CNTN6: variants seen among roughly 807,000 people sequenced by gnomAD.
CNTN6 encodes the protein contactin 6.
A neutral mutation model predicts 122.8 loss-of-function variants in CNTN6; 137 were observed. That is an observed-to-expected ratio of 1.12 (90% CI 0.97 to 1.29). The LOEUF is 1.29. Ranked by LOEUF, CNTN6 falls within the 50% of genes most tolerant of loss-of-function variation. The pLI, the probability that CNTN6 is intolerant of heterozygous loss-of-function variation, is 0.00. For synonymous variants in CNTN6, 570 were observed against 426.0 expected, an observed-to-expected ratio of 1.34 and a Z score of -4.16; for missense variants, 1,634 against 1,223.4, an observed-to-expected ratio of 1.34 and a Z score of -5.01.
intron 2 of CNTN6, among the ~76,000 whole-genome samples, chr3:1,168,476 C>T (rs915371151): frequency 6.0e-5 from 9 of 150,580 alleles, no homozygotes; most frequent in Non-Finnish European, 1.2e-4. Context: ...GACACTTGCC[C>T]GTCACTGCCC....
At chr3:1,251,887 G>T (rs557951663) in intron 4 of CNTN6, among the ~76,000 whole-genome samples, 1 of 152,186 alleles carries the variant, frequency 6.6e-6, no homozygotes, top group East Asian at 1.9e-4. Flanking sequence ...ATTCAGGTCT[G>T]ACTCATTGCC....
intron 2 of CNTN6, among the ~76,000 whole-genome samples, chr3:1,213,693 T>C (rs1426219543): frequency 6.6e-6 from 1 of 151,914 alleles, no homozygotes; most frequent in East Asian, 1.9e-4. Context: ...AGAATACAAA[T>C]ATTTTATAAA....
At chr3:1,111,029 A>G (rs1046051799) in intron 1 of CNTN6, among the ~76,000 whole-genome samples, 3 of 152,176 alleles carry the variant, frequency 2.0e-5, no homozygotes, top group Non-Finnish European at 2.9e-5. Context: ...TATGTGTAAA[A>G]TTGAGAAATA....
At chr3:1,169,502 T>C (rs1416304506) in intron 2 of CNTN6, among the ~76,000 whole-genome samples, 2 of 152,244 alleles carry the variant, frequency 1.3e-5, no homozygotes, top group African/African-American at 4.8e-5. Flanking sequence ...GAATTATTCA[T>C]CTTTCTTCAG....
intron 11 of CNTN6, among the ~76,000 whole-genome samples, chr3:1,333,829 A>G (rs901470202): frequency 1.2e-4 from 18 of 152,272 alleles, no homozygotes; most frequent in African/African-American, 4.1e-4. Flanking sequence ...ATAAGTGAAG[A>G]AGCTTAGACT....
chr3:1,118,871 AC>A (rs2125050953), intron 1 of CNTN6, among the ~76,000 whole-genome samples: 2 of 152,184 alleles, frequency 1.3e-5, no homozygotes, highest in East Asian at 3.9e-4. Flanking sequence ...AAAAAAAAAA[AC>A]AAACAAAACA....
At chr3:1,291,305 A>G (rs919806449) in intron 5 of CNTN6, among the ~76,000 whole-genome samples, 2 of 152,170 alleles carry the variant, frequency 1.3e-5, no homozygotes, top group African/African-American at 4.8e-5. Flanking sequence ...ATATCTCACT[A>G]TTAAAGAAGG....
Position 1,169,723 on chromosome 3 carries a change from T to C in CNTN6, c.55+21660T>C, listed in dbSNP as rs1362228933. Among the ~76,000 whole-genome samples, 3 of 152,206 alleles carry C rather than the reference T, an allele frequency of 2.0e-5. No individual in the cohort carries two copies. The East Asian group carries it at 5.8e-4, about 29-fold the overall frequency. On this transcript the variant is annotated intron_variant, in intron 2 of 22. Transcript: ENST00000446702. ...TAAACATTTGTGCCAATTATGTAGA[T>C]AGCCTGCAAAGCTGAGACACTTCTC... is the stretch of plus-strand genomic sequence containing the variant.
At chr3:1,401,332 G>T in intron 20 of CNTN6, 101 bp from the exon 21 acceptor site, 1 of 889,904 alleles carries the variant, frequency 1.1e-6, no homozygotes, top group Non-Finnish European at 1.8e-6. Context: ...CTCCTTCTAT[G>T]CAAATCATCG....
At chr3:1,344,820 G>A (rs764301035) in intron 11 of CNTN6, among the ~76,000 whole-genome samples, 1 of 152,004 alleles carries the variant, frequency 6.6e-6, no homozygotes, top group Non-Finnish European at 1.5e-5. Flanking sequence ...GTTTCCTCTT[G>A]TTCAGAACTG....
intron 2 of CNTN6, among the ~76,000 whole-genome samples, chr3:1,217,271 G>T (rs1381991047): frequency 2.0e-5 from 3 of 151,978 alleles, no homozygotes; most frequent in Non-Finnish European, 4.4e-5. Flanking sequence ...TGCTGTGGTT[G>T]GTATAGAAGG....
intron 4 of CNTN6, among the ~76,000 whole-genome samples, chr3:1,264,640 C>A (rs1274794657): frequency 1.3e-5 from 2 of 151,920 alleles, no homozygotes; most frequent in African/African-American, 4.8e-5. Context: ...TTTGATGTAT[C>A]TTTAGATTAT....
At chr3:1,387,888 C>G (rs1291080396) in intron 20 of CNTN6, among the ~76,000 whole-genome samples, 1 of 152,218 alleles carries the variant, frequency 6.6e-6, no homozygotes, top group East Asian at 1.9e-4. Flanking sequence ...AGATTATATC[C>G]TGCACCCGGC....
chr3:1,210,055 T>C (rs1226587052), intron 2 of CNTN6, among the ~76,000 whole-genome samples: 1 of 152,168 alleles, frequency 6.6e-6, no homozygotes. Flanking sequence ...TGACAAAGTT[T>C]ACTTTTTTCC....
chr3:1,213,710 A>T (rs1047210748), intron 2 of CNTN6, among the ~76,000 whole-genome samples: 1 of 151,990 alleles, frequency 6.6e-6, no homozygotes, highest in Non-Finnish European at 1.5e-5. Flanking sequence ...TAAAAATGAG[A>T]TCATACCATA....
At chr3:1,249,148 C>G (rs1406443220) in intron 4 of CNTN6, among the ~76,000 whole-genome samples, 4 of 152,080 alleles carry the variant, frequency 2.6e-5, no homozygotes, top group Non-Finnish European at 5.9e-5. Flanking sequence ...TAAAGACAAT[C>G]AAATAGCATT....
intron 7 of CNTN6, among the ~76,000 whole-genome samples, chr3:1,313,594 T>G (rs1012682415): frequency 6.6e-6 from 1 of 152,162 alleles, no homozygotes; most frequent in South Asian, 2.1e-4. Context: ...TCCTTTTTTT[T>G]CCCCCAACTG....
chr3:1,209,998 A>T (rs2094011876), intron 2 of CNTN6, among the ~76,000 whole-genome samples: 1 of 152,170 alleles, frequency 6.6e-6, no homozygotes, highest in Non-Finnish European at 1.5e-5. Context: ...GAATTTCATA[A>T]CTATTTTTAA....
At chr3:1,375,726 G>A (rs1709761853) in intron 16 of CNTN6, among the ~76,000 whole-genome samples, 1 of 151,910 alleles carries the variant, frequency 6.6e-6, no homozygotes, top group Non-Finnish European at 1.5e-5. Context: ...ATAAGGTTTA[G>A]GTTCACATAA....
Sources: allele counts gnomAD v4.1 joint callset (sites outside exome capture counted in the v4.1 genomes callset), GRCh38; gene constraint gnomAD v4.1.1; transcripts MANE v1.5; gene names NCBI Gene and HGNC (gene_info 2026-07-23, HGNC 2026-07-21).